PIP4K2A: variants seen among roughly 807,000 people sequenced by gnomAD.
PIP4K2A encodes the protein phosphatidylinositol 5-phosphate 4-kinase type-2 alpha.
A neutral mutation model predicts 42.9 loss-of-function variants in PIP4K2A; 14 were observed. That is an observed-to-expected ratio of 0.33 (90% confidence interval 0.22 to 0.51). PIP4K2A has a LOEUF of 0.51. Ranked by LOEUF, PIP4K2A falls within the 20% of genes least tolerant of loss-of-function variation. PIP4K2A has a pLI of 0.97. For synonymous variants in PIP4K2A, 192 were observed against 192.2 expected (o/e 1.00, Z 0.01); for missense variants, 434 against 519.8 (o/e 0.83, Z 1.61).
At chr10:22,546,217 T>C (rs1386596645) in intron 7 of PIP4K2A, among the ~76,000 whole-genome samples, 4 of 152,174 alleles carry the variant, frequency 2.6e-5, no homozygotes, top group Non-Finnish European at 5.9e-5. Flanking sequence ...AGAATTAAGA[T>C]AATGAAACTG....
chr10:22,567,951 A>C, intron 5 of PIP4K2A, 62 bp from the exon 6 acceptor site: 1 of 1,434,086 alleles, frequency 7.0e-7, no homozygotes, highest in Non-Finnish European at 9.8e-7. Flanking sequence ...ACACGCAGAA[A>C]ATATGAAAAT....
intron 1 of PIP4K2A, among the ~76,000 whole-genome samples, chr10:22,707,767 T>C (rs1195971060): frequency 1.3e-5 from 2 of 152,150 alleles, no homozygotes; most frequent in African/African-American, 2.4e-5. Context: ...CTCTCCCCAC[T>C]TTCTCACCCC....
rs1048452002 is a variant in PIP4K2A at position 22,713,705 on chromosome 10, C to T, written c.144+478G>A. Among the ~76,000 whole-genome samples, 29 of 152,188 alleles carry T rather than the reference C, an allele frequency of 1.9e-4. 1 individual carries two copies. Among genetic ancestry groups the T allele is most frequent in the African/African-American group, 7.0e-4 (29 of 41,448 alleles). ...CCCCAGTGCCCCAGTGGGAGGCTCG[C>T]ACGCGCCCAGCCCGGGACAGGTACA... is the stretch of plus-strand genomic sequence containing the variant. On this transcript the variant is annotated intron_variant, in intron 1 of 9. Coordinates refer to ENST00000376573, the MANE Select transcript of PIP4K2A (RefSeq NM_005028.5).
intron 8 of PIP4K2A, among the ~76,000 whole-genome samples, chr10:22,540,621 G>A (rs1484140099): frequency 2.0e-5 from 3 of 152,008 alleles, no homozygotes; most frequent in Non-Finnish European, 4.4e-5. Flanking sequence ...GCAATGGTGC[G>A]ATCTTGGCTC....
chr10:22,567,459 G>A (rs1440001744), intron 6 of PIP4K2A: 2 of 404,386 alleles, frequency 4.9e-6, no homozygotes, highest in Admixed American at 3.4e-5. Context: ...GCAAAGAAAT[G>A]TATTCAGGGT....
chr10:22,671,510 C>A (rs138976493), intron 1 of PIP4K2A, among the ~76,000 whole-genome samples: 26 of 152,116 alleles, frequency 1.7e-4, no homozygotes, highest in African/African-American at 6.0e-4. Context: ...CCTGGCACTG[C>A]GATAAACAAG....
At chr10:22,594,211 G>A (rs570000988) in intron 3 of PIP4K2A, among the ~76,000 whole-genome samples, 6 of 152,244 alleles carry the variant, frequency 3.9e-5, no homozygotes, top group South Asian at 2.1e-4. Context: ...AAAGTCTAGC[G>A]TATTAAGTAC....
At chr10:22,595,901 T>C (rs969949147) in intron 3 of PIP4K2A, among the ~76,000 whole-genome samples, 17 of 152,138 alleles carry the variant, frequency 1.1e-4, no homozygotes, top group African/African-American at 3.9e-4. Context: ...GGATCTTTTA[T>C]GACTCTAAAA....
rs150055537 is a variant in PIP4K2A at position 22,602,525 on chromosome 10, C to T, written c.339+5402G>A. ...CAGGGCTGCTCGCTGGCAGCAGAAT[C>T]GGCCCAGTGTCCCTGGTGTCTTTGT... On this transcript the variant is annotated intron_variant, in intron 3 of 9. Transcript: ENST00000376573. Among the ~76,000 whole-genome samples the T allele has an allele frequency of 5.3e-3, 806 of 152,278 alleles. 8 individuals carry two copies. Among genetic ancestry groups the T allele is most frequent in the African/African-American group, 0.018 (745 of 41,568 alleles).
At chr10:22,549,838 C>CAAAAAAAAA (rs56349240) in intron 7 of PIP4K2A, among the ~76,000 whole-genome samples, 4 of 70,132 alleles carry the variant, frequency 5.7e-5, no homozygotes, top group Non-Finnish European at 7.8e-5. Flanking sequence ...GAATCCATCT[C>CAAAAAAAAA]AAAAAAAAAA....
At chr10:22,660,512 T>TA (rs1282062481) in intron 1 of PIP4K2A, among the ~76,000 whole-genome samples, 1 of 151,240 alleles carries the variant, frequency 6.6e-6, no homozygotes, top group Non-Finnish European at 1.5e-5. Context: ...AATCCTGAAT[T>TA]TTTTTTTTCC....
chr10:22,607,942 A>G lies in PIP4K2A; in HGVS notation c.324T>C (p.Asp108=), dbSNP rs773540685. The part of the protein sequence containing the change: ...FRNLRERFGI[D]DQDFQNSLTR... ...CGCAACTCACCTGGAAATCTTGATC[A>G]TCAATTCCAAACCTCTCCCGCAGGT... is the stretch of plus-strand genomic sequence containing the variant. Residue 108 remains aspartate (D), a synonymous_variant, in exon 3 of 10, where the codon GAT becomes GAC. Coordinates refer to ENST00000376573, the MANE Select transcript of PIP4K2A (RefSeq NM_005028.5). The G allele has an allele frequency of 3.7e-6, 6 of 1,611,554 alleles. No homozygotes were observed. The Admixed American group carries it at 8.3e-5, about 22-fold the overall frequency.
At chr10:22,641,398 T>C (rs1838780759) in intron 1 of PIP4K2A, among the ~76,000 whole-genome samples, 1 of 152,204 alleles carries the variant, frequency 6.6e-6, no homozygotes, top group South Asian at 2.1e-4. Flanking sequence ...TTTGTTCTGT[T>C]ATATAGATTT....
intron 3 of PIP4K2A, among the ~76,000 whole-genome samples, chr10:22,606,962 G>A (rs1025141569): frequency 6.6e-6 from 1 of 152,136 alleles, no homozygotes; most frequent in Non-Finnish European, 1.5e-5. Flanking sequence ...TATACACATA[G>A]CCTAAAGGTA....
intron 2 of PIP4K2A, among the ~76,000 whole-genome samples, chr10:22,608,929 A>C (rs530067826): frequency 3.1e-4 from 47 of 152,310 alleles, no homozygotes; most frequent in African/African-American, 1.1e-3. Context: ...GGTTCACCCT[A>C]ATCATTCAGA....
intron 7 of PIP4K2A, among the ~76,000 whole-genome samples, chr10:22,543,896 G>GATCCAAGGC (rs1470899105): frequency 6.6e-6 from 1 of 152,188 alleles, no homozygotes; most frequent in East Asian, 1.9e-4. Flanking sequence ...CAGGTGACAA[G>GATCCAAGGC]ATCCAAGGCA....
At chr10:22,633,857 AAAGT>A (rs1214868686) in intron 1 of PIP4K2A, among the ~76,000 whole-genome samples, 1 of 152,194 alleles carries the variant, frequency 6.6e-6, no homozygotes, top group Non-Finnish European at 1.5e-5. Flanking sequence ...CACAGGTAGA[AAAGT>A]GAGTGTCGGC....
chr10:22,616,203 G>C, intron 1 of PIP4K2A, among the ~76,000 whole-genome samples: 1 of 152,278 alleles, frequency 6.6e-6, no homozygotes, highest in East Asian at 1.9e-4. Flanking sequence ...GAGAGCAGAG[G>C]GGGAGCTGAC....
intron 1 of PIP4K2A, among the ~76,000 whole-genome samples, chr10:22,640,568 G>A (rs1838760729): frequency 6.6e-6 from 1 of 152,182 alleles, no homozygotes; most frequent in Admixed American, 6.5e-5. Context: ...GTAGCAGGGT[G>A]GAGTGCCCAG....
Sources: gnomAD v4.1 joint callset for allele counts (sites outside exome capture counted in the v4.1 genomes callset) on GRCh38, gnomAD v4.1.1 for gene constraint, MANE v1.5 for transcripts, NCBI Gene and HGNC (gene_info 2026-07-23, HGNC 2026-07-21) for gene names.